The following HIPK1 variants were observed in gnomAD, a reference collection of about 807,000 sequenced individuals.
HIPK1 encodes the protein homeodomain interacting protein kinase 1.
A neutral mutation model predicts 117.1 loss-of-function variants in HIPK1; 28 were observed. That is an observed-to-expected ratio of 0.24 (90% CI 0.18 to 0.33). The LOEUF is 0.33. Ranked by LOEUF, HIPK1 falls within the 10% of genes least tolerant of loss-of-function variation. HIPK1 has a pLI of 1.00. For synonymous variants in HIPK1, 605 were observed against 562.5 expected (o/e 1.08, Z -1.07); for missense variants, 1,122 against 1,475.1 (o/e 0.76, Z 3.92).
chr1:113,973,014 T>C lies in HIPK1; in HGVS notation c.3145-10T>C. 1 of 1,512,808 alleles carries C rather than the reference T, an allele frequency of 6.6e-7. No homozygotes were observed. Among genetic ancestry groups the C allele is most frequent in the Non-Finnish European group, 8.8e-7 (1 of 1,130,666 alleles). The allele number at this position is 1,512,808 out of a possible 1,614,324, so 93.7% of individuals were successfully genotyped here. ...CTCAGGATTCCTCACTTCTTCCTTC[T>C]TTCTTCCAGAACCAGCAGTCATCGG... On this transcript the variant is annotated splice_polypyrimidine_tract_variant and intron_variant, in intron 15 of 15. Transcript: ENST00000426820.
Position 113,967,852 on chromosome 1 carries a change from AGCCTCT to A in HIPK1, c.2470_2475del (p.Pro824_Leu825del). On this transcript the variant is annotated inframe_deletion, in exon 12 of 16. Coordinates refer to ENST00000426820, the MANE Select transcript of HIPK1 (RefSeq NM_198268.3). ...AACCATGTGACATTGGCCACTGCTCAGCCTCTGAATGTTGGTGTTGCCCATGTTGTC... is the reference window on the plus strand; with the variant it reads ...AACCATGTGACATTGGCCACTGCTCAGAATGTTGGTGTTGCCCATGTTGTC... The A allele has an allele frequency of 6.2e-7, 1 of 1,612,844 alleles. No homozygotes were observed. The highest frequency in any genetic ancestry group is 8.5e-7 in the Non-Finnish European group (1 of 1,179,790).
chr1:113,930,047 G>A (rs1384724179), intron 1 of HIPK1: 5 of 982,520 alleles, frequency 5.1e-6, no homozygotes, highest in Admixed American at 6.1e-5. Context: ...CCAGCCTGCC[G>A]GGGGCGCCTT....
intron 10 of HIPK1, among the ~76,000 whole-genome samples, chr1:113,964,711 C>T (rs1672336118): frequency 6.6e-6 from 1 of 152,140 alleles, no homozygotes; most frequent in Non-Finnish European, 1.5e-5. Flanking sequence ...AGCAGAAAAC[C>T]TGAGTGTGAG....
chr1:113,972,655 A>C (rs1672915326), intron 15 of HIPK1, among the ~76,000 whole-genome samples: 1 of 152,204 alleles, frequency 6.6e-6, no homozygotes, highest in Non-Finnish European at 1.5e-5. Flanking sequence ...TAGAGGACGA[A>C]AACAAAAGAA....
At position 113,977,543 on chromosome 1, in the gene HIPK1, C is replaced by T. The variant is rs1320738381; in HGVS notation, c.*4031C>T. 6.6e-6 allele frequency: 1 copy of T among 152,642 alleles called. No individual in the cohort carries two copies. The allele number at this position is 152,642 out of a possible 1,614,324, so 9.5% of individuals were successfully genotyped here. On this transcript the variant is annotated 3_prime_UTR_variant, in exon 16 of 16. Transcript: ENST00000426820. The stretch of plus-strand genomic sequence containing the variant: ...ACAAGCCTCTAGAAACAGATAGTTT[C>T]TGAGAATTACTGAGCTATGTTTGTA...
rs754481767 is a variant in HIPK1, at chr1:113,941,225, A to G, written c.842A>G (p.Gln281Arg). ...LEQNLYDFLK[Q>R]NKFSPLPLKY... is the part of the protein sequence containing the mutation. ...CAGAACTTATATGATTTTCTAAAGC[A>G]AAACAAATTTAGCCCACTGCCACTC... Residue 281 changes from glutamine to arginine, a missense_variant, in exon 2 of 16, where the codon CAA becomes CGA. Transcript: ENST00000426820. The surrounding 1 kb of genome is among the most constrained non-coding windows in gnomAD (Gnocchi z 4.9). The G allele has an allele frequency of 2.5e-6, 4 of 1,614,138 alleles. No individual in the cohort carries two copies. In the African/African-American group the frequency reaches 5.3e-5, roughly 22 times the overall value.
chr1:113,957,345 A>G (rs1671791584), intron 7 of HIPK1, 59 bp downstream of exon 7: 1 of 1,416,960 alleles, frequency 7.1e-7, no homozygotes. Context: ...TAGTAAGAAT[A>G]CAGGGCAAGG....
At chr1:113,965,371 CT>C (rs2101447218) in intron 10 of HIPK1, among the ~76,000 whole-genome samples, 1 of 151,894 alleles carries the variant, frequency 6.6e-6, no homozygotes, top group East Asian at 1.9e-4. Context: ...AGTGACATGG[CT>C]TTTTTAAAAC....
intron 1 of HIPK1, among the ~76,000 whole-genome samples, chr1:113,934,038 TATC>T (rs1320497560): frequency 5.3e-5 from 8 of 152,310 alleles, no homozygotes; most frequent in African/African-American, 1.9e-4. Flanking sequence ...GATGTACTCT[TATC>T]ATCTGTAAAA....
intron 12 of HIPK1, 105 bp downstream of exon 12, chr1:113,968,053 A>G: frequency 2.0e-6 from 2 of 986,420 alleles, no homozygotes; most frequent in African/African-American, 1.6e-5. Flanking sequence ...ATGAAGCAGC[A>G]AGTAGCTGCC....
Position 113,929,453 on chromosome 1 carries a change from A to G in HIPK1, c.-82A>G, listed in dbSNP as rs751204951. The G allele has an allele frequency of 7.8e-7, 1 of 1,289,052 alleles. No homozygotes were observed. Among genetic ancestry groups the G allele is most frequent in the Non-Finnish European group, 1.0e-6 (1 of 988,796 alleles). The allele number at this position is 1,289,052 out of a possible 1,614,324, so 79.9% of individuals were successfully genotyped here. A position where few individuals can be genotyped will look rare whatever the true frequency, so the allele number is the denominator to read the frequency against. On this transcript the variant is annotated 5_prime_UTR_variant, in exon 1 of 16. Coordinates refer to ENST00000426820, the MANE Select transcript of HIPK1 (RefSeq NM_198268.3). ...GCTGGCTCCCTACGGAGGCCCACCT[A>G]CTCGAGGCCCACCGACTCCTACTGC...
chr1:113,961,726 A>C (rs1190576537), intron 8 of HIPK1, among the ~76,000 whole-genome samples: 1 of 152,044 alleles, frequency 6.6e-6, no homozygotes, highest in Non-Finnish European at 1.5e-5. Flanking sequence ...TGGGCAGATC[A>C]TGAGGTCAGG....
At chr1:113,969,452 T>C (rs1672676737) in intron 13 of HIPK1, among the ~76,000 whole-genome samples, 1 of 152,178 alleles carries the variant, frequency 6.6e-6, no homozygotes, top group Non-Finnish European at 1.5e-5. Flanking sequence ...TTCATAGGAT[T>C]GTTGTAAGGA....
Position 113,941,413 on chromosome 1 carries a change from G to T in HIPK1, c.1030G>T (p.Val344Phe). Reference sequence around the variant, plus strand: ...CATTGACTTTGGTTCTGCTAGTCACGTTTCCAAAGCTGTGTGCTCAACCTA... The same window carrying T: ...CATTGACTTTGGTTCTGCTAGTCACTTTTCCAAAGCTGTGTGCTCAACCTA... ...KVIDFGSASH[V>F]SKAVCSTYLQ... Residue 344 changes from valine (V) to phenylalanine (F), a missense_variant, in exon 2 of 16, where the codon GTT becomes TTT. Physicochemically the swap from Val to Phe is conservative, Grantham distance 50. Transcript: ENST00000426820. This position sits in a 1 kb window ranked among gnomAD's most constrained non-coding sequence, Gnocchi z 4.9. 1 of 1,614,150 alleles carries T rather than the reference G, an allele frequency of 6.2e-7. No homozygotes were observed. Among genetic ancestry groups the T allele is most frequent in the Admixed American group, 1.7e-5 (1 of 60,014 alleles).
At chr1:113,931,002 C>G (rs879442647) in intron 1 of HIPK1, 3 of 152,228 alleles carry the variant, frequency 2.0e-5, no homozygotes, top group African/African-American at 4.8e-5. Context: ...GCTATAGACT[C>G]TCTGTCCCAA....
intron 8 of HIPK1, among the ~76,000 whole-genome samples, chr1:113,960,059 T>G (rs544266103): frequency 6.6e-6 from 1 of 152,202 alleles, no homozygotes; most frequent in African/African-American, 2.4e-5. Flanking sequence ...CTTATTGCCC[T>G]TCAGTTGCCA....
In HIPK1 at chr1:113,962,374, T is replaced by C; in HGVS notation, c.2039T>C (p.Val680Ala). ...TTCCCTGTGAGGATGGATAATGCTG[T>C]ACCGATTGTACCCCAGGCACCAGCT... ...SGFPVRMDNAVPIVPQAPAAQ... is the reference protein window; with the variant it reads ...SGFPVRMDNAAPIVPQAPAAQ... The change falls in exon 9 of 16, where the codon GTA becomes GCA. Residue 680 changes from valine to alanine, a missense_variant. By Grantham distance (64) the Val-to-Ala change is moderately conservative. Coordinates refer to ENST00000426820, the MANE Select transcript of HIPK1 (RefSeq NM_198268.3). 6.2e-7 allele frequency: 1 copy of C among 1,614,032 alleles called. No homozygotes were observed.
chr1:113,970,407 T>C (rs566710964), intron 14 of HIPK1, among the ~76,000 whole-genome samples: 4 of 152,330 alleles, frequency 2.6e-5, no homozygotes, highest in South Asian at 2.1e-4. Context: ...TGGATTAATA[T>C]ACAAATGAGA....
rs1427824816 is a variant in HIPK1 at position 113,977,859 on chromosome 1, C to A, written c.*4347C>A. 6.6e-6 allele frequency: 1 copy of A among 152,628 alleles called. No homozygotes were observed. The highest frequency in any genetic ancestry group is 6.5e-5 in the Admixed American group (1 of 15,276). The allele number at this position is 152,628 out of a possible 1,614,324, so 9.5% of individuals were successfully genotyped here. A position where few individuals can be genotyped will look rare whatever the true frequency, so the allele number is the denominator to read the frequency against. Reference sequence around the variant, plus strand: ...TATAAAGGGGATCAATAAATGACATCTTTGAAAGTGGCTAAGCATATTGTA... The same window carrying A: ...TATAAAGGGGATCAATAAATGACATATTTGAAAGTGGCTAAGCATATTGTA... On this transcript the variant is annotated 3_prime_UTR_variant, in exon 16 of 16. Transcript: ENST00000426820.
Sources: gnomAD v4.1 joint callset for allele counts (sites outside exome capture counted in the v4.1 genomes callset) on GRCh38, gnomAD v4.1.1 for gene constraint, Gnocchi (gnomAD v3.1) non-coding constraint, MANE v1.5 for transcripts, NCBI Gene and HGNC (gene_info 2026-07-23, HGNC 2026-07-21) for gene names.